USP37: variants seen among roughly 807,000 people sequenced by gnomAD.
USP37 encodes ubiquitin specific peptidase 37, also known as ubiquitin carboxyl-terminal hydrolase 37.
USP37 carries 27 observed loss-of-function variants against 124.0 expected under a neutral mutation model. The ratio of observed to expected loss-of-function variants is 0.22; its 90% CI spans 0.16 to 0.30. USP37 has a LOEUF of 0.30. Ranked by LOEUF, USP37 falls within the 10% of genes least tolerant of loss-of-function variation. USP37 has a pLI of 1.00. For synonymous variants in USP37, 365 were observed against 388.0 expected (o/e 0.94, Z 0.70); for missense variants, 889 against 1,140.4 (o/e 0.78, Z 3.17).
At chr2:218,540,306 G>A (rs1285571770) in intron 8 of USP37, among the ~76,000 whole-genome samples, 1 of 152,036 alleles carries the variant, frequency 6.6e-6, no homozygotes, top group African/African-American at 2.4e-5. Flanking sequence ...ACAGCTCAAG[G>A]TTTCATTGTG....
At chr2:218,476,702 TA>T in intron 19 of USP37, 137 bp downstream of exon 19, 1 of 1,010,748 alleles carries the variant, frequency 9.9e-7, no homozygotes, top group Non-Finnish European at 1.3e-6. Context: ...GATCCATCTG[TA>T]AACAGACTGA....
At chr2:218,556,327 G>A (rs1416032282) in intron 4 of USP37, among the ~76,000 whole-genome samples, 3 of 151,462 alleles carry the variant, frequency 2.0e-5, no homozygotes, top group Non-Finnish European at 4.4e-5. Flanking sequence ...AGTTTGGCCA[G>A]AAAATTCAGG....
intron 17 of USP37, among the ~76,000 whole-genome samples, chr2:218,480,258 G>A (rs1402541326): frequency 2.0e-5 from 3 of 151,940 alleles, no homozygotes; most frequent in Non-Finnish European, 1.5e-5. Context: ...AAATCAGCCG[G>A]GCATGGTGGC....
At chr2:218,460,691 T>A (rs916302504) in intron 22 of USP37, among the ~76,000 whole-genome samples, 2 of 151,986 alleles carry the variant, frequency 1.3e-5, no homozygotes, top group Non-Finnish European at 2.9e-5. Context: ...GCCTGTAATC[T>A]CAGCACTTTG....
intron 16 of USP37, among the ~76,000 whole-genome samples, chr2:218,485,356 G>A (rs915446570): frequency 2.6e-5 from 4 of 151,396 alleles, no homozygotes; most frequent in Admixed American, 6.6e-5. Flanking sequence ...GTTTCCCTAC[G>A]TTACCCAGGC....
At position 218,452,165 on chromosome 2, in the gene USP37, A is replaced by AC. The variant is rs1222707119; in HGVS notation, c.*2764dup. 3 of 152,180 alleles carry AC rather than the reference A, an allele frequency of 2.0e-5. No homozygotes were observed. Among genetic ancestry groups the AC allele is most frequent in the Non-Finnish European group, 4.4e-5 (3 of 68,020 alleles). The allele number at this position is 152,180 out of a possible 1,614,324, so 9.4% of individuals were successfully genotyped here. A position where few individuals can be genotyped will look rare whatever the true frequency, so the allele number is the denominator to read the frequency against. ...CAAAGATCAAAAGGTTGTATCTAGA[A>AC]CTAATTGCCATCAAGTTCCAATTCA... On this transcript the variant is annotated 3_prime_UTR_variant, in exon 26 of 26. Coordinates refer to ENST00000258399, the MANE Select transcript of USP37 (RefSeq NM_020935.3).
chr2:218,527,621 A>G (rs1691055330), intron 10 of USP37, among the ~76,000 whole-genome samples: 1 of 152,216 alleles, frequency 6.6e-6, no homozygotes, highest in Non-Finnish European at 1.5e-5. Context: ...TATGGAATGA[A>G]TATGTCCATT....
chr2:218,455,780 G>C, intron 24 of USP37, 62 bp from the exon 25 acceptor site: 1 of 1,545,814 alleles, frequency 6.5e-7, no homozygotes, highest in South Asian at 1.2e-5. Context: ...GGGCGCGATG[G>C]CTCACGCCTG....
intron 13 of USP37, 134 bp from the exon 14 acceptor site, chr2:218,496,084 A>C (rs1689064877): frequency 3.8e-6 from 3 of 792,928 alleles, no homozygotes; most frequent in Non-Finnish European, 5.7e-6. Flanking sequence ...ACTTGAGGTC[A>C]GGAGTTCGAG....
chr2:218,484,895 A>T (rs1267441143), intron 16 of USP37, among the ~76,000 whole-genome samples: 1 of 152,200 alleles, frequency 6.6e-6, no homozygotes, highest in Non-Finnish European at 1.5e-5. Flanking sequence ...CCACATAATA[A>T]TTTTTTGTAA....
At chr2:218,495,685 G>A in intron 14 of USP37, 75 bp downstream of exon 14, 1 of 1,435,656 alleles carries the variant, frequency 7.0e-7, no homozygotes, top group Non-Finnish European at 9.4e-7. Context: ...CATGGCATTT[G>A]GTATGTCATA....
At chr2:218,496,996 T>A (rs923479569) in intron 13 of USP37, among the ~76,000 whole-genome samples, 2 of 151,804 alleles carry the variant, frequency 1.3e-5, no homozygotes, top group South Asian at 4.2e-4. Context: ...TACACAAATC[T>A]CGTTTTAAAA....
At position 218,476,831 on chromosome 2, in the gene USP37, A is replaced by C. The variant is rs1691008346; in HGVS notation, c.2043+9T>G. ...TCTTTGTCAGATGTTTTAAGAAAAT[A>C]TTACTTACTTTTTCCAGGTCTTCCT... On this transcript the variant is annotated intron_variant, in intron 19 of 25. Transcript: ENST00000258399. 1 of 1,591,402 alleles carries C rather than the reference A, an allele frequency of 6.3e-7. No individual in the cohort carries two copies. The highest frequency in any genetic ancestry group is 2.2e-5 in the East Asian group (1 of 44,478).
intron 5 of USP37, among the ~76,000 whole-genome samples, chr2:218,551,672 TAC>T (rs1442305834): frequency 2.6e-5 from 4 of 152,262 alleles, no homozygotes; most frequent in African/African-American, 4.8e-5. Context: ...ATGCTTTTCT[TAC>T]ACGTATCAAT....
At chr2:218,495,342 A>G (rs1727107) in intron 14 of USP37, among the ~76,000 whole-genome samples, 100,810 of 151,968 alleles carry the variant, frequency 0.66, 33,887 homozygotes, top group East Asian at 0.9. Flanking sequence ...GGGTTTCCCC[A>G]TGTTGCCCAG....
chr2:218,478,042 T>C (rs550740731), intron 18 of USP37, among the ~76,000 whole-genome samples: 1 of 152,126 alleles, frequency 6.6e-6, no homozygotes, highest in South Asian at 2.1e-4. Context: ...ACAAAAAATA[T>C]ATATAAAATG....
At chr2:218,526,837 G>A (rs1690998132) in intron 10 of USP37, among the ~76,000 whole-genome samples, 1 of 119,090 alleles carries the variant, frequency 8.4e-6, no homozygotes, top group Non-Finnish European at 1.6e-5. Context: ...CGCCCAGGCT[G>A]GAGTGCAGTG....
chr2:218,563,616 C>G (rs1693428738), intron 1 of USP37, among the ~76,000 whole-genome samples: 1 of 152,208 alleles, frequency 6.6e-6, no homozygotes, highest in Admixed American at 6.5e-5. Flanking sequence ...ACCCGCACAT[C>G]TCTCACTGCC....
chr2:218,482,323 C>T (rs1411955689), intron 16 of USP37, 89 bp from the exon 17 acceptor site: 107 of 1,363,986 alleles, frequency 7.8e-5, no homozygotes, highest in Non-Finnish European at 1.0e-4. Context: ...TGTTAGACGA[C>T]TTTTGATTTA....
Sources: allele counts gnomAD v4.1 joint callset (sites outside exome capture counted in the v4.1 genomes callset), GRCh38; gene constraint gnomAD v4.1.1; transcripts MANE v1.5; gene names NCBI Gene and HGNC (gene_info 2026-07-23, HGNC 2026-07-21).